ZBTB46: variants seen among roughly 807,000 people sequenced by gnomAD.
The protein encoded by ZBTB46 is zinc finger and BTB domain containing 46.
In ZBTB46, 8 loss-of-function variants were observed where a neutral mutation model predicts 44.1. That is an observed-to-expected ratio of 0.18 (90% CI 0.11 to 0.33). The LOEUF (loss-of-function observed/expected upper bound fraction) is 0.33, where lower values mean the gene tolerates loss of function less well. Ranked by LOEUF, ZBTB46 falls within the 10% of genes least tolerant of loss-of-function variation. The probability of loss-of-function intolerance (pLI) is 1.00; values close to 1 mark genes in which losing one functional copy is unlikely to be tolerated. For missense variants in ZBTB46, 651 were observed against 847.7 expected, an observed-to-expected ratio of 0.77 and a Z score of 2.88; for synonymous variants, 409 against 382.3, an observed-to-expected ratio of 1.07 and a Z score of -0.81.
chr20:63,789,810 G>C lies in ZBTB46; in HGVS notation c.937+11C>G, dbSNP rs759411242. On this transcript the variant is annotated intron_variant, in intron 2 of 4. Transcript: ENST00000245663. ...GGGCAGCTGAGCCCCCGTAACGAGT[G>C]AAAGGCTTACTTGAGTCTCGGCTGC... 1.9e-6 allele frequency: 3 copies of C among 1,600,698 alleles called. No homozygotes were observed. In the Admixed American group the frequency reaches 5.0e-5, roughly 27 times the overall value.
rs543421825 is a variant in ZBTB46 at position 63,749,542 on chromosome 20, T to C, written c.1399-2241A>G. 3.1e-4 allele frequency among the ~76,000 whole-genome samples: 47 copies of C among 152,260 alleles called. 1 individual carries two copies. In the Middle Eastern group the frequency reaches 0.01, roughly 33 times the overall value. Reference sequence around the variant, plus strand: ...TAGTAGAGACGGGGTTTCACCGTGTTAGCCAGGATGGTCTCGATCTCCTGA... The same window carrying C: ...TAGTAGAGACGGGGTTTCACCGTGTCAGCCAGGATGGTCTCGATCTCCTGA... On this transcript the variant is annotated intron_variant, in intron 4 of 4. Coordinates refer to ENST00000245663, the MANE Select transcript of ZBTB46 (RefSeq NM_001369741.1).
At chr20:63,825,220 A>G (rs1259047157) in intron 1 of ZBTB46, among the ~76,000 whole-genome samples, 1 of 151,218 alleles carries the variant, frequency 6.6e-6, no homozygotes, top group African/African-American at 2.4e-5. Flanking sequence ...GGCCAACATG[A>G]TGAAACCCCA....
chr20:63,832,644 G>C (rs997168542), upstream of ZBTB46, among the ~76,000 whole-genome samples: 1 of 152,120 alleles, frequency 6.6e-6, no homozygotes, highest in Admixed American at 6.5e-5. This position sits in a 1 kb window ranked among gnomAD's most constrained non-coding sequence, Gnocchi z 5.0. Flanking sequence ...ATGGCTGTGC[G>C]GACACCCCGT....
Position 63,746,802 on chromosome 20 carries a change from G to A in ZBTB46, c.*128C>T. ...CAGGGCTGGTTTCCGTGGGGGGTGG[G>A]TTCAGGGGGAAGCAGAGGAGGGGCC... On this transcript the variant is annotated 3_prime_UTR_variant, in exon 5 of 5. Transcript: ENST00000245663. 4 of 1,374,208 alleles carry A rather than the reference G, an allele frequency of 2.9e-6. No homozygotes were observed. The highest frequency in any genetic ancestry group is 3.8e-6 in the Non-Finnish European group (4 of 1,053,978). The allele number at this position is 1,374,208 out of a possible 1,614,324, so 85.1% of individuals were successfully genotyped here.
chr20:63,758,964 C>T (rs1388178827), intron 3 of ZBTB46, among the ~76,000 whole-genome samples: 1 of 152,170 alleles, frequency 6.6e-6, no homozygotes, highest in African/African-American at 2.4e-5. Flanking sequence ...AATCTCCTGA[C>T]CTCGTGATCC....
chr20:63,772,765 A>ACACC (rs760494766), intron 3 of ZBTB46, among the ~76,000 whole-genome samples: 1,114 of 53,010 alleles, frequency 0.021, 28 homozygotes, highest in East Asian at 0.044. Context: ...ACACACACAC[A>ACACC]CAGAAGTGCG....
intron 3 of ZBTB46, among the ~76,000 whole-genome samples, chr20:63,756,118 C>T (rs1242777756): frequency 6.6e-6 from 1 of 152,228 alleles, no homozygotes; most frequent in East Asian, 1.9e-4. Context: ...TCTCTGGCCT[C>T]CCTGCACCAA....
At chr20:63,791,041 G>T (rs1331247073) in intron 1 of ZBTB46, 2 of 438,846 alleles carry the variant, frequency 4.6e-6, no homozygotes, top group Non-Finnish European at 8.2e-6. Context: ...GAGGCTAATG[G>T]GGTTCTGAAC....
intron 2 of ZBTB46, among the ~76,000 whole-genome samples, chr20:63,779,406 ATTTT>A (rs59166121): frequency 2.3e-4 from 24 of 105,552 alleles, no homozygotes; most frequent in African/African-American, 9.6e-4. Context: ...ACGCCGGCTA[ATTTT>A]TTTTTTTTTT....
chr20:63,758,818 G>A (rs1023368147), intron 3 of ZBTB46, among the ~76,000 whole-genome samples: 6 of 150,252 alleles, frequency 4.0e-5, no homozygotes, highest in South Asian at 2.1e-4. Flanking sequence ...TGCAAGCTCC[G>A]CCTCCCGGGT....
At chr20:63,785,004 C>T (rs1398595006) in intron 2 of ZBTB46, among the ~76,000 whole-genome samples, 2 of 151,918 alleles carry the variant, frequency 1.3e-5, no homozygotes, top group South Asian at 2.1e-4. Context: ...GAGGCCGAGG[C>T]AGGCGGATCA....
chr20:63,763,219 G>T (rs1476436760), intron 3 of ZBTB46, among the ~76,000 whole-genome samples: 1 of 152,160 alleles, frequency 6.6e-6, no homozygotes, highest in Non-Finnish European at 1.5e-5. Context: ...TGTAATTATT[G>T]ATGTGGCTGG....
chr20:63,752,598 G>C lies in ZBTB46; in HGVS notation c.1398+88C>G. ...GCAGAGTGGACCCGGTGTGGGGTCC[G>C]GGGCGGTCTGCGCCCTCATCAGGAC... On this transcript the variant is annotated intron_variant, in intron 4 of 4. Transcript: ENST00000245663. This position sits in a 1 kb window ranked among gnomAD's most constrained non-coding sequence, Gnocchi z 5.6. 3 of 1,395,688 alleles carry C rather than the reference G, an allele frequency of 2.1e-6. No homozygotes were observed. Among genetic ancestry groups the C allele is most frequent in the Non-Finnish European group, 2.8e-6 (3 of 1,067,938 alleles). The allele number at this position is 1,395,688 out of a possible 1,614,324, so 86.5% of individuals were successfully genotyped here.
Position 63,831,198 on chromosome 20 carries a change from C to T in ZBTB46, c.-135G>A, listed in dbSNP as rs1458513338. ...GGAGGGCGCTGCGTCCGGGCGGGTC[C>T]GAGCTGCGCGCTCGCCGGGGCTGCT... On this transcript the variant is annotated 5_prime_UTR_variant, in exon 1 of 5. Transcript: ENST00000245663. The T allele has an allele frequency of 7.0e-6, 1 of 142,626 alleles. No homozygotes were observed. Among genetic ancestry groups the T allele is most frequent in the Non-Finnish European group, 1.6e-5 (1 of 64,498 alleles). The allele number at this position is 142,626 out of a possible 1,614,324, so 8.8% of individuals were successfully genotyped here. A position where few individuals can be genotyped will look rare whatever the true frequency, so the allele number is the denominator to read the frequency against.
At chr20:63,759,835 G>A (rs552121094) in intron 3 of ZBTB46, among the ~76,000 whole-genome samples, 6 of 152,076 alleles carry the variant, frequency 3.9e-5, no homozygotes, top group South Asian at 2.1e-4. Flanking sequence ...CCAATTTGCC[G>A]ATTCTTATCA....
intron 3 of ZBTB46, among the ~76,000 whole-genome samples, chr20:63,774,086 T>C (rs536491884): frequency 2.3e-5 from 2 of 88,224 alleles, no homozygotes; most frequent in African/African-American, 9.1e-5. Flanking sequence ...TTTTCAGATG[T>C]GGGAAGTGAG....
chr20:63,773,254 T>A (rs6122165), intron 3 of ZBTB46, among the ~76,000 whole-genome samples: 1 of 139,012 alleles, frequency 7.2e-6, no homozygotes, highest in African/African-American at 2.8e-5. Context: ...TTTGAGACAG[T>A]GTCTCACTCT....
intron 1 of ZBTB46, among the ~76,000 whole-genome samples, chr20:63,798,890 GTGGAAGCAAGATACCCT>G (rs1015829629): frequency 1.3e-5 from 2 of 151,282 alleles, no homozygotes; most frequent in Non-Finnish European, 2.9e-5. Flanking sequence ...CCATTTTAAA[GTGGAAGCAAGATACCCT>G]TGGCTCTAGA....
Position 63,830,436 on chromosome 20 carries a change from C to T in ZBTB46, c.-34+661G>A, listed in dbSNP as rs993880652. Among the ~76,000 whole-genome samples, 33 of 150,882 alleles carry T rather than the reference C, an allele frequency of 2.2e-4. 1 individual carries two copies. The highest frequency in any genetic ancestry group is 7.5e-4 in the African/African-American group (31 of 41,350). ...GAGCCCTCCGCGCCCCGAGCCGCCC[C>T]GCCCCGAGGCCCCTGCGCCCCGGTT... On this transcript the variant is annotated intron_variant, in intron 1 of 4. Coordinates refer to ENST00000245663, the MANE Select transcript of ZBTB46 (RefSeq NM_001369741.1).
Sources: allele counts gnomAD v4.1 joint callset (sites outside exome capture counted in the v4.1 genomes callset), GRCh38; gene constraint gnomAD v4.1.1; non-coding constraint Gnocchi (gnomAD v3.1); transcripts MANE v1.5; gene names NCBI Gene and HGNC (gene_info 2026-07-23, HGNC 2026-07-21).